Variants in LYRM4 observed in about 807,000 individuals in gnomAD.
LYRM4 encodes the protein LYR motif-containing protein 4.
A neutral mutation model predicts 11.7 loss-of-function variants in LYRM4; 9 were observed. The ratio of observed to expected loss-of-function variants is 0.77; its 90% confidence interval spans 0.46 to 1.34. The LOEUF (loss-of-function observed/expected upper bound fraction) is 1.34, where lower values mean the gene tolerates loss of function less well. Ranked by LOEUF, LYRM4 falls within the 40% of genes most tolerant of loss-of-function variation. The probability of loss-of-function intolerance (pLI) is 0.00; values close to 1 mark genes in which losing one functional copy is unlikely to be tolerated. For missense variants in LYRM4, 133 were observed against 112.5 expected (o/e 1.18, Z -0.82); for synonymous variants, 42 against 40.4 (o/e 1.04, Z -0.15).
chr6:5,085,788 G>A, the LYRM4 span: 3 of 1,531,372 alleles, frequency 2.0e-6, no homozygotes, highest in African/African-American at 1.4e-5. Context: ...TCCTGCAGCA[G>A]CAGCAGCAAC....
At chr6:5,202,143 T>A (rs1761427052) in intron 2 of LYRM4, among the ~76,000 whole-genome samples, 3 of 152,250 alleles carry the variant, frequency 2.0e-5, no homozygotes, top group Admixed American at 2.0e-4. Context: ...AATTACACTT[T>A]GCAATTCTAA....
chr6:5,135,802 C>A (rs1216464182), intron 2 of LYRM4, among the ~76,000 whole-genome samples: 1 of 152,166 alleles, frequency 6.6e-6, no homozygotes, highest in African/African-American at 2.4e-5. Flanking sequence ...GTGTACAGCT[C>A]TGTGGCATTA....
intron 2 of LYRM4, among the ~76,000 whole-genome samples, chr6:5,168,983 T>C (rs377733286): frequency 3.3e-5 from 5 of 152,126 alleles, no homozygotes; most frequent in African/African-American, 9.7e-5. Context: ...GCTGGTGAAC[T>C]GGGGAAGGTA....
Position 5,225,243 on chromosome 6 carries a change from G to T in LYRM4, c.87-8505C>A, listed in dbSNP as rs1402729176. ...AGCCTGGGTGACAGAGCAAGACTCC[G>T]AATCAAAAAAAAAAAAAAAAAAAAG... On this transcript the variant is annotated intron_variant, in intron 1 of 2. Coordinates refer to ENST00000330636, the MANE Select transcript of LYRM4 (RefSeq NM_020408.6). Among the ~76,000 whole-genome samples, 35 of 51,926 alleles carry T rather than the reference G, an allele frequency of 6.7e-4. 1 individual carries two copies. The highest frequency in any genetic ancestry group is 1.7e-3 in the South Asian group (3 of 1,742). The allele number at this position is 51,926 out of a possible 152,430, so 34.1% of individuals were successfully genotyped here.
At chr6:5,103,864 C>T (rs1762579468), downstream of LYRM4, 1 of 152,100 alleles carries the variant, frequency 6.6e-6, no homozygotes, top group African/African-American at 2.4e-5. Flanking sequence ...TCTTGAACTC[C>T]TGACATCGTG....
intron 2 of LYRM4, among the ~76,000 whole-genome samples, chr6:5,121,533 T>C (rs115238382): frequency 2.0e-5 from 3 of 152,246 alleles, no homozygotes; most frequent in Non-Finnish European, 2.9e-5. Context: ...CATTGCAGCA[T>C]TGCACAACAG....
intron 1 of LYRM4, among the ~76,000 whole-genome samples, chr6:5,221,477 G>A (rs987785456): frequency 5.3e-5 from 8 of 151,974 alleles, no homozygotes; most frequent in Non-Finnish European, 8.8e-5. Context: ...GGCGGATCAC[G>A]AGGTCAGGAG....
At chr6:5,082,886 G>A in the LYRM4 span, among the ~76,000 whole-genome samples, 109 of 150,728 alleles carry the variant, frequency 7.2e-4, no homozygotes, top group African/African-American at 2.5e-3. Flanking sequence ...GAGCCTCTGC[G>A]TGGCCCAGCA....
downstream of LYRM4, among the ~76,000 whole-genome samples, chr6:5,100,180 T>C (rs1762455824): frequency 6.6e-6 from 1 of 152,152 alleles, no homozygotes; most frequent in Non-Finnish European, 1.5e-5. Flanking sequence ...AAACCCAGCA[T>C]GTGCCAAACT....
intron 2 of LYRM4, among the ~76,000 whole-genome samples, chr6:5,164,477 T>C (rs765169723): frequency 6.6e-6 from 1 of 152,150 alleles, no homozygotes; most frequent in Non-Finnish European, 1.5e-5. Flanking sequence ...CTAGATAATA[T>C]ATAAAGACAG....
At chr6:5,238,804 T>G (rs550945030) in intron 1 of LYRM4, among the ~76,000 whole-genome samples, 28 of 152,336 alleles carry the variant, frequency 1.8e-4, no homozygotes, top group African/African-American at 6.0e-4. Flanking sequence ...ACCTGAATTT[T>G]ATAAGCAAAT....
At position 5,260,751 on chromosome 6, in the gene LYRM4, AT is replaced by A. The variant is rs748890377; in HGVS notation, c.-19del. ...GCTGCCATTTTGGAAAGAAAAAAAA[AT>A]AAACGGGTCCTCTTCGCCGAGGTCC... On this transcript the variant is annotated 5_prime_UTR_variant, in exon 1 of 3. Transcript: ENST00000330636. 1.5e-5 allele frequency: 23 copies of A among 1,542,910 alleles called. No individual in the cohort carries two copies. The highest frequency in any genetic ancestry group is 2.4e-5 in the East Asian group (1 of 41,082).
chr6:5,072,521 G>T, the LYRM4 span, among the ~76,000 whole-genome samples: 1 of 150,538 alleles, frequency 6.6e-6, no homozygotes, highest in Non-Finnish European at 1.5e-5. Context: ...TAGGCATTCT[G>T]ACTGGTGTGA....
intron 1 of LYRM4, among the ~76,000 whole-genome samples, chr6:5,259,820 C>A (rs895790491): frequency 2.6e-5 from 4 of 151,740 alleles, no homozygotes; most frequent in African/African-American, 4.8e-5. Context: ...AAACAAAAAA[C>A]AAATCTAAAA....
chr6:5,070,938 TAAC>T, the LYRM4 span, among the ~76,000 whole-genome samples: 1 of 145,126 alleles, frequency 6.9e-6, no homozygotes, highest in African/African-American at 2.6e-5. Context: ...ACACCTGTAA[TAAC>T]AGCACTTTAA....
At chr6:5,066,322 C>T in the LYRM4 span, 5 of 717,232 alleles carry the variant, frequency 7.0e-6, no homozygotes, top group African/African-American at 8.8e-5. Flanking sequence ...TTCTATTCGT[C>T]CAAATTTATA....
At chr6:5,199,036 C>T (rs959628520) in intron 2 of LYRM4, among the ~76,000 whole-genome samples, 10 of 152,058 alleles carry the variant, frequency 6.6e-5, no homozygotes, top group African/African-American at 2.2e-4. Context: ...ACCATATGAC[C>T]CAGCCATTCC....
the LYRM4 span, among the ~76,000 whole-genome samples, chr6:5,072,385 C>T: frequency 1.3e-5 from 2 of 152,120 alleles, no homozygotes; most frequent in African/African-American, 4.8e-5. Flanking sequence ...GCTTCTAGGT[C>T]TCTGAGGAAT....
downstream of LYRM4, among the ~76,000 whole-genome samples, chr6:5,101,989 A>C (rs1425009028): frequency 1.5e-4 from 4 of 26,552 alleles, no homozygotes; most frequent in African/African-American, 3.8e-4. Context: ...TTTTTTGGAG[A>C]GTTATGTTGC....
Sources: gnomAD v4.1 joint callset for allele counts (sites outside exome capture counted in the v4.1 genomes callset) on GRCh38, gnomAD v4.1.1 for gene constraint, MANE v1.5 for transcripts, NCBI Gene and HGNC (gene_info 2026-07-23, HGNC 2026-07-21) for gene names.